The following CDH13 variants were observed in gnomAD, a reference collection of about 807,000 sequenced individuals.
CDH13 encodes the protein cadherin 13, also known as cadherin-13.
A neutral mutation model predicts 63.8 loss-of-function variants in CDH13; 24 were observed. The ratio of observed to expected loss-of-function variants is 0.38; its 90% CI spans 0.27 to 0.53. The LOEUF (loss-of-function observed/expected upper bound fraction) is 0.53, where lower values mean the gene tolerates loss of function less well. Among genes scored for constraint, CDH13 ranks in the 20% least tolerant of loss-of-function variants. The probability of loss-of-function intolerance (pLI) is 0.85; values close to 1 mark genes in which losing one functional copy is unlikely to be tolerated. For synonymous variants in CDH13, 503 were observed against 355.3 expected (o/e 1.42, Z -4.67); for missense variants, 1,049 against 903.1 (o/e 1.16, Z -2.07).
At chr16:83,122,296 G>T (rs1402573782) in intron 3 of CDH13, among the ~76,000 whole-genome samples, 2 of 152,176 alleles carry the variant, frequency 1.3e-5, no homozygotes, top group Non-Finnish European at 2.9e-5. Flanking sequence ...ACAGTTTCTA[G>T]CTCAAATTTA....
At chr16:83,010,158 A>AAAAAAAAAAAAAAAAAC (rs1555561348) in intron 2 of CDH13, among the ~76,000 whole-genome samples, 1 of 136,728 alleles carries the variant, frequency 7.3e-6, no homozygotes, top group African/African-American at 2.7e-5. Flanking sequence ...AAAAAAAAAA[A>AAAAAAAAAAAAAAAAAC]AAAACAAGAA....
At chr16:83,450,540 A>C (rs951225855) in intron 6 of CDH13, among the ~76,000 whole-genome samples, 1 of 152,256 alleles carries the variant, frequency 6.6e-6, no homozygotes. Context: ...TATTAAATCG[A>C]ACGGAAAAAA....
At position 83,394,178 on chromosome 16, in the gene CDH13, C is replaced by A. The variant is rs1296146083; in HGVS notation, c.781+49172C>A. On this transcript the variant is annotated intron_variant, in intron 6 of 13. Transcript: ENST00000567109. ...CACTTTGGTGAGGAAATAATCTGTA[C>A]ATGAAACCCCCATGACACAAGTTTA... 2.0e-5 allele frequency among the ~76,000 whole-genome samples: 3 copies of A among 151,850 alleles called. No homozygotes were observed. The South Asian group carries it at 6.3e-4, about 32-fold the overall frequency.
At chr16:82,654,271 A>G (rs1423709070) in intron 1 of CDH13, among the ~76,000 whole-genome samples, 2 of 152,134 alleles carry the variant, frequency 1.3e-5, no homozygotes, top group African/African-American at 4.8e-5. Flanking sequence ...TGACACTTAC[A>G]TGGTGGTCTT....
intron 6 of CDH13, among the ~76,000 whole-genome samples, chr16:83,423,345 AG>A (rs1382511551): frequency 6.6e-6 from 1 of 152,202 alleles, no homozygotes; most frequent in Non-Finnish European, 1.5e-5. Flanking sequence ...AATTCAAAGA[AG>A]AAAAAAAGCC....
At chr16:82,924,246 A>T (rs1460834621) in intron 2 of CDH13, among the ~76,000 whole-genome samples, 1 of 150,604 alleles carries the variant, frequency 6.6e-6, no homozygotes. Context: ...CTCCATGTCT[A>T]TGTGGTTGCT....
intron 5 of CDH13, among the ~76,000 whole-genome samples, chr16:83,299,207 G>A (rs1166710690): frequency 1.3e-5 from 2 of 151,494 alleles, no homozygotes; most frequent in African/African-American, 2.4e-5. Flanking sequence ...TTTAATGGCT[G>A]GAGAAGATAC....
intron 7 of CDH13, among the ~76,000 whole-genome samples, chr16:83,588,883 G>T (rs1906437252): frequency 6.6e-6 from 1 of 152,226 alleles, no homozygotes; most frequent in Non-Finnish European, 1.5e-5. Context: ...CGCACCACGT[G>T]GAGCCAGGAG....
chr16:82,684,694 C>T (rs188216050), intron 1 of CDH13, among the ~76,000 whole-genome samples: 1 of 151,980 alleles, frequency 6.6e-6, no homozygotes, highest in Non-Finnish European at 1.5e-5. Flanking sequence ...TGCTTTTGAT[C>T]CTTTTTCCAA....
chr16:83,711,625 C>T (rs919258938), intron 10 of CDH13, among the ~76,000 whole-genome samples: 3 of 152,210 alleles, frequency 2.0e-5, no homozygotes, highest in African/African-American at 4.8e-5. Context: ...AAGCGATTCT[C>T]GTGCCTCAGC....
chr16:83,249,837 AAAC>A (rs1445119712), intron 5 of CDH13, among the ~76,000 whole-genome samples: 1 of 152,254 alleles, frequency 6.6e-6, no homozygotes, highest in East Asian at 1.9e-4. Context: ...TTTACCAAAA[AAAC>A]TGCTCATAAG....
At chr16:83,762,306 T>G (rs968521863) in intron 11 of CDH13, among the ~76,000 whole-genome samples, 3 of 152,070 alleles carry the variant, frequency 2.0e-5, no homozygotes. Context: ...AAGGTCAAAA[T>G]AGTGCCTTCA....
intron 4 of CDH13, among the ~76,000 whole-genome samples, chr16:83,148,449 G>T (rs925557073): frequency 6.6e-5 from 10 of 152,202 alleles, no homozygotes; most frequent in Non-Finnish European, 1.5e-4. Flanking sequence ...TAATGTCTGT[G>T]GAGTCAGACT....
intron 2 of CDH13, among the ~76,000 whole-genome samples, chr16:83,010,401 G>A (rs13330657): frequency 6.6e-6 from 1 of 152,126 alleles, no homozygotes; most frequent in Non-Finnish European, 1.5e-5. Flanking sequence ...ACGACTGTCA[G>A]AAATGGAAAT....
intron 5 of CDH13, among the ~76,000 whole-genome samples, chr16:83,250,535 G>A (rs955714185): frequency 3.3e-5 from 5 of 152,178 alleles, no homozygotes; most frequent in Non-Finnish European, 5.9e-5. Flanking sequence ...AGAAGCGAGC[G>A]TTCATAAGGA....
At chr16:83,572,683 G>A (rs1003649566) in intron 7 of CDH13, among the ~76,000 whole-genome samples, 1 of 152,212 alleles carries the variant, frequency 6.6e-6, no homozygotes, top group African/African-American at 2.4e-5. Flanking sequence ...ATGGGCAGAG[G>A]AAAAGCTATT....
intron 2 of CDH13, among the ~76,000 whole-genome samples, chr16:83,010,204 C>G (rs979286482): frequency 1.9e-4 from 26 of 138,282 alleles, no homozygotes; most frequent in Non-Finnish European, 3.2e-4. Flanking sequence ...GCATTTCTAA[C>G]AAGCTCCTAA....
intron 3 of CDH13, among the ~76,000 whole-genome samples, chr16:83,067,389 C>T (rs2032099245): frequency 6.6e-6 from 1 of 152,080 alleles, no homozygotes; most frequent in Non-Finnish European, 1.5e-5. Context: ...GTTTCCAGTT[C>T]TATAAAATGG....
chr16:83,090,114 C>A (rs2033819781), intron 3 of CDH13, among the ~76,000 whole-genome samples: 1 of 152,176 alleles, frequency 6.6e-6, no homozygotes, highest in Non-Finnish European at 1.5e-5. Context: ...GTCAACCCCA[C>A]CCACAAAAGC....
Sources: allele counts gnomAD v4.1 joint callset (sites outside exome capture counted in the v4.1 genomes callset), GRCh38; gene constraint gnomAD v4.1.1; transcripts MANE v1.5; gene names NCBI Gene and HGNC (gene_info 2026-07-23, HGNC 2026-07-21).